Variants in MYEF2 observed in about 807,000 individuals in gnomAD.
The protein encoded by MYEF2 is myelin expression factor 2.
In MYEF2, 37 loss-of-function variants were observed where a neutral mutation model predicts 75.2. That is an observed-to-expected ratio of 0.49 (90% CI 0.38 to 0.65). MYEF2 has a LOEUF of 0.65. Among genes scored for constraint, MYEF2 ranks in the 30% least tolerant of loss-of-function variants. The pLI is 0.00. For synonymous variants in MYEF2, 195 were observed against 241.6 expected, an observed-to-expected ratio of 0.81 and a Z score of 1.79; for missense variants, 634 against 771.4, an observed-to-expected ratio of 0.82 and a Z score of 2.11.
intron 16 of MYEF2, among the ~76,000 whole-genome samples, chr15:48,144,897 C>G (rs989881697): frequency 6.6e-6 from 1 of 151,754 alleles, no homozygotes; most frequent in African/African-American, 2.4e-5. Flanking sequence ...TCTTAAGTAT[C>G]CCATCATAGA....
At position 48,159,612 on chromosome 15, in the gene MYEF2, C is replaced by T; in HGVS notation, c.717+1G>A. The T allele has an allele frequency of 6.2e-7, 1 of 1,609,110 alleles. No homozygotes were observed. The highest frequency in any genetic ancestry group is 8.5e-7 in the Non-Finnish European group (1 of 1,178,490). ...AATTTTAGACTAAAGCTTGAACTTA[C>T]ATTGGCAACAAAAATTGTGGAACCA... is the stretch of plus-strand genomic sequence containing the variant. On this transcript the variant is annotated splice_donor_variant, in intron 6 of 16. Coordinates refer to ENST00000324324, the MANE Select transcript of MYEF2 (RefSeq NM_016132.5). LOFTEE classifies it high-confidence loss of function.
rs1019071283 is a variant in MYEF2 at position 48,149,626 on chromosome 15, T to C, written c.1379-255A>G. The C allele has an allele frequency of 7.1e-6, 2 of 281,030 alleles. No individual in the cohort carries two copies. The highest frequency in any genetic ancestry group is 4.4e-5 in the African/African-American group (2 of 45,076). The allele number at this position is 281,030 out of a possible 1,614,324, so 17.4% of individuals were successfully genotyped here. Reference sequence around the variant, plus strand: ...TGAGAAATTCTAGCCACTGTATAAATACATTATGCATATATAACTGTATAA... The same window carrying C: ...TGAGAAATTCTAGCCACTGTATAAACACATTATGCATATATAACTGTATAA... On this transcript the variant is annotated intron_variant, in intron 14 of 16. Transcript: ENST00000324324. This position sits in a 1 kb window ranked among gnomAD's most constrained non-coding sequence, Gnocchi z 4.0.
chr15:48,176,453 C>T (rs1298771095), intron 1 of MYEF2, among the ~76,000 whole-genome samples: 3 of 152,120 alleles, frequency 2.0e-5, no homozygotes, highest in Non-Finnish European at 4.4e-5. Context: ...TTATATTTTT[C>T]TCTTCCTAAA....
At position 48,138,909 on chromosome 15, in the gene MYEF2, C is replaced by A; in HGVS notation, c.*3999G>T. 8.1e-7 allele frequency: 1 copy of A among 1,232,880 alleles called. No homozygotes were observed. Among genetic ancestry groups the A allele is most frequent in the Non-Finnish European group, 1.2e-6 (1 of 865,044 alleles). 76.4% of individuals were successfully genotyped at this position (1,232,880 alleles called of 1,614,324 possible). ...ATTTCAATATAACTTTCTAAATAGGCATTTCTAACTTAATTAGCCATTTGA... is the reference window on the plus strand; with the variant it reads ...ATTTCAATATAACTTTCTAAATAGGAATTTCTAACTTAATTAGCCATTTGA... On this transcript the variant is annotated 3_prime_UTR_variant, in exon 17 of 17. Transcript: ENST00000324324.
At position 48,149,909 on chromosome 15, in the gene MYEF2, T is replaced by C. The variant is rs2039430149; in HGVS notation, c.1379-538A>G. On this transcript the variant is annotated intron_variant, in intron 14 of 16. Coordinates refer to ENST00000324324, the MANE Select transcript of MYEF2 (RefSeq NM_016132.5). The surrounding 1 kb of genome is among the most constrained non-coding windows in gnomAD (Gnocchi z 4.0). Reference sequence around the variant, plus strand: ...TTTCACCTCAGCATCTTCACCTCTGTTTCCCAGTTTTTATTCTCATGGTAA... The same window carrying C: ...TTTCACCTCAGCATCTTCACCTCTGCTTCCCAGTTTTTATTCTCATGGTAA... 6.6e-6 allele frequency: 1 copy of C among 152,292 alleles called. No individual in the cohort carries two copies. The highest frequency in any genetic ancestry group is 6.6e-5 in the Admixed American group (1 of 15,214). 9.4% of individuals were successfully genotyped at this position (152,292 alleles called of 1,614,324 possible).
rs373592160 is a variant in MYEF2, at chr15:48,151,562, C to A, written c.1217G>T (p.Arg406Leu). Residue 406 changes from arginine to leucine, a missense_variant, in exon 13 of 17, where the codon CGT becomes CTT. Physicochemically the swap from Arg to Leu is moderately radical, Grantham distance 102. Coordinates refer to ENST00000324324, the MANE Select transcript of MYEF2 (RefSeq NM_016132.5). ...GGVGRMGELY[R>L]GAMTSSMERD... ...CTCCATGCTACTAGTCATCGCACCA[C>A]GGTACAGCTCTGAAAAAATTGTGCA... 14 of 1,604,696 alleles carry A rather than the reference C, an allele frequency of 8.7e-6. No individual in the cohort carries two copies. Among genetic ancestry groups the A allele is most frequent in the Non-Finnish European group, 1.2e-5 (14 of 1,177,208 alleles).
At chr15:48,176,935 G>A (rs1189106179) in intron 1 of MYEF2, among the ~76,000 whole-genome samples, 1 of 150,098 alleles carries the variant, frequency 6.7e-6, no homozygotes, top group Non-Finnish European at 1.5e-5. Context: ...TTGAGAGCAA[G>A]AGTGTCAAAG....
At chr15:48,161,537 T>A (rs2039941647) in intron 5 of MYEF2, among the ~76,000 whole-genome samples, 1 of 151,810 alleles carries the variant, frequency 6.6e-6, no homozygotes, top group South Asian at 2.1e-4. Context: ...TAGCCTTTTT[T>A]TTTTCTCTTA....
chr15:48,139,021 G>C lies in MYEF2; in HGVS notation c.*3887C>G. On this transcript the variant is annotated 3_prime_UTR_variant, in exon 17 of 17. Transcript: ENST00000324324. ...AAGCAGACTTAAAAAGAATTTTTTG[G>C]GTATTATCCCTTCCTATTATTACAT... 6.2e-7 allele frequency: 1 copy of C among 1,612,732 alleles called. No individual in the cohort carries two copies. The highest frequency in any genetic ancestry group is 8.5e-7 in the Non-Finnish European group (1 of 1,179,182).
At chr15:48,174,428 C>T (rs569943924) in intron 1 of MYEF2, among the ~76,000 whole-genome samples, 1 of 149,512 alleles carries the variant, frequency 6.7e-6, no homozygotes, top group Non-Finnish European at 1.5e-5. Flanking sequence ...AAAGCACAGA[C>T]AACACAAACA....
At chr15:48,165,807 T>C (rs937513225) in intron 5 of MYEF2, 126 bp downstream of exon 5, 7 of 619,472 alleles carry the variant, frequency 1.1e-5, no homozygotes, top group Non-Finnish European at 1.4e-5. Flanking sequence ...CAATATATAA[T>C]GCTTTAATGA....
intron 1 of MYEF2, among the ~76,000 whole-genome samples, chr15:48,176,253 G>C (rs1011509955): frequency 6.7e-6 from 1 of 148,274 alleles, no homozygotes; most frequent in Admixed American, 6.7e-5. Flanking sequence ...GGACTAGGTC[G>C]CTAGTTATTC....
At chr15:48,164,891 A>G (rs537240331) in intron 5 of MYEF2, among the ~76,000 whole-genome samples, 1 of 152,326 alleles carries the variant, frequency 6.6e-6, no homozygotes, top group Admixed American at 6.5e-5. Flanking sequence ...GTATAAACGT[A>G]ACTTTTATGT....
At chr15:48,154,120 T>C in intron 9 of MYEF2, 1 of 413,258 alleles carries the variant, frequency 2.4e-6, no homozygotes, top group South Asian at 3.6e-5. Flanking sequence ...CATGATATAA[T>C]ACAAAGTACA....
intron 9 of MYEF2, among the ~76,000 whole-genome samples, chr15:48,156,083 T>C (rs1331887676): frequency 1.3e-5 from 2 of 152,092 alleles, no homozygotes; most frequent in Admixed American, 6.6e-5. Context: ...CGGCCCATAA[T>C]GGTAATTTTT....
chr15:48,165,205 T>C (rs893140123), intron 5 of MYEF2, among the ~76,000 whole-genome samples: 3 of 152,170 alleles, frequency 2.0e-5, no homozygotes, highest in East Asian at 1.9e-4. Context: ...ACTATTTATC[T>C]CTTTTAACAC....
In MYEF2 at chr15:48,158,014, C is replaced by T. The variant is rs761135963; in HGVS notation, c.964G>A (p.Gly322Ser). The change falls in exon 9 of 17, where the codon GGT becomes AGT. Residue 322 changes from glycine (G) to serine (S), a missense_variant. Coordinates refer to ENST00000324324, the MANE Select transcript of MYEF2 (RefSeq NM_016132.5). ...TTACGTGGTAATTGTGGTGTTTTAC[C>T]ATCATGTGAACGGTACTCTTCATGA... ...VPHEEYRSHD[G>S]KTPQLPRGLG... 1 of 1,612,948 alleles carries T rather than the reference C, an allele frequency of 6.2e-7. No individual in the cohort carries two copies. The highest frequency in any genetic ancestry group is 8.5e-7 in the Non-Finnish European group (1 of 1,179,418).
chr15:48,155,774 A>ATTT lies in MYEF2; in HGVS notation c.986-1884_986-1882dup, dbSNP rs34221232. The stretch of plus-strand genomic sequence containing the variant: ...GGCTCAATAAGAAATCATAATGGTA[A>ATTT]TTTTTTTTTTTTTTTTTTGAGACAG... On this transcript the variant is annotated intron_variant, in intron 9 of 16. Coordinates refer to ENST00000324324, the MANE Select transcript of MYEF2 (RefSeq NM_016132.5). 8.8e-5 allele frequency among the ~76,000 whole-genome samples: 9 copies of ATTT among 102,308 alleles called. No homozygotes were observed. The East Asian group carries it at 2.4e-3, about 27-fold the overall frequency. 67.1% of individuals were successfully genotyped at this position (102,308 alleles called of 152,430 possible). A position where few individuals can be genotyped will look rare whatever the true frequency, so the allele number is the denominator to read the frequency against.
chr15:48,156,177 A>G (rs1171630971), intron 9 of MYEF2, among the ~76,000 whole-genome samples: 3 of 152,206 alleles, frequency 2.0e-5, no homozygotes, highest in Admixed American at 1.3e-4. Context: ...TGCTTATATT[A>G]GAAAGGAAAA....
Sources: gnomAD v4.1 joint callset for allele counts (sites outside exome capture counted in the v4.1 genomes callset) on GRCh38, gnomAD v4.1.1 for gene constraint, Gnocchi (gnomAD v3.1) non-coding constraint, MANE v1.5 for transcripts, NCBI Gene and HGNC (gene_info 2026-07-23, HGNC 2026-07-21) for gene names.